The following PRKCA variants were observed in gnomAD, a reference collection of about 807,000 sequenced individuals.
PRKCA encodes protein kinase C alpha.
Under a neutral mutation model 87.0 loss-of-function variants are expected in PRKCA, and 27 were observed. The observed-to-expected ratio is 0.31, with a 90% CI of 0.23 to 0.43. The LOEUF (loss-of-function observed/expected upper bound fraction) is 0.43, where lower values mean the gene tolerates loss of function less well. Ranked by LOEUF, PRKCA falls within the 20% of genes least tolerant of loss-of-function variation. The pLI is 1.00. For synonymous variants in PRKCA, 329 were observed against 311.1 expected, an observed-to-expected ratio of 1.06 and a Z score of -0.61; for missense variants, 518 against 852.3, an observed-to-expected ratio of 0.61 and a Z score of 4.88.
At chr17:66,368,384 AT>A (rs1908882993) in intron 2 of PRKCA, among the ~76,000 whole-genome samples, 1 of 27,010 alleles carries the variant, frequency 3.7e-5, no homozygotes, top group Non-Finnish European at 7.2e-5. Flanking sequence ...ATATATATAT[AT>A]ATTTTTTTTT....
At chr17:66,368,493 T>G (rs887537084) in intron 2 of PRKCA, among the ~76,000 whole-genome samples, 7 of 144,860 alleles carry the variant, frequency 4.8e-5, no homozygotes, top group Non-Finnish European at 1.0e-4. Context: ...CAGGCTCAAG[T>G]GATCCTCCCA....
chr17:66,434,232 G>A (rs1598667631), intron 2 of PRKCA, among the ~76,000 whole-genome samples: 1 of 149,986 alleles, frequency 6.7e-6, no homozygotes. Context: ...ATCCTTTAAT[G>A]GGGGCTGGCA....
At chr17:66,398,908 T>G (rs1567808795) in intron 2 of PRKCA, among the ~76,000 whole-genome samples, 1 of 152,168 alleles carries the variant, frequency 6.6e-6, no homozygotes, top group East Asian at 1.9e-4. Flanking sequence ...AAAATCGAAC[T>G]TCTCGTTTGA....
At chr17:66,730,883 G>C (rs926128598) in intron 8 of PRKCA, among the ~76,000 whole-genome samples, 1 of 152,198 alleles carries the variant, frequency 6.6e-6, no homozygotes. Context: ...CAAGAGGGAC[G>C]ACGGATGATT....
At chr17:66,504,688 C>T (rs935216959) in intron 3 of PRKCA, among the ~76,000 whole-genome samples, 9 of 152,194 alleles carry the variant, frequency 5.9e-5, no homozygotes, top group African/African-American at 9.6e-5. Context: ...AGCCAGCCTG[C>T]ATCTAATGGG....
intron 3 of PRKCA, chr17:66,554,487 G>T: frequency 1.1e-6 from 1 of 906,606 alleles, no homozygotes; most frequent in Non-Finnish European, 1.3e-6. Flanking sequence ...GAACATTCCC[G>T]TGACTACTCA....
At chr17:66,577,929 T>G (rs1024202703) in intron 3 of PRKCA, among the ~76,000 whole-genome samples, 2 of 151,966 alleles carry the variant, frequency 1.3e-5, no homozygotes, top group Admixed American at 6.6e-5. Flanking sequence ...TTCCGACCCC[T>G]GTCACCCTGC....
intron 3 of PRKCA, among the ~76,000 whole-genome samples, chr17:66,608,004 G>T (rs1432995371): frequency 6.6e-6 from 1 of 152,186 alleles, no homozygotes; most frequent in Non-Finnish European, 1.5e-5. Context: ...TTCTGAGTGG[G>T]TGATACGCAT....
chr17:66,761,046 A>G (rs563770227), intron 13 of PRKCA, among the ~76,000 whole-genome samples: 12 of 152,232 alleles, frequency 7.9e-5, no homozygotes, highest in South Asian at 4.2e-4. Flanking sequence ...GTTTTCTCCA[A>G]TTGTACATAG....
At chr17:66,694,747 A>G (rs574571266) in intron 8 of PRKCA, among the ~76,000 whole-genome samples, 4 of 142,838 alleles carry the variant, frequency 2.8e-5, no homozygotes, top group African/African-American at 1.1e-4. Context: ...GTTACATGCT[A>G]CATTCACATT....
chr17:66,628,060 C>A (rs1970907534), intron 3 of PRKCA, among the ~76,000 whole-genome samples: 1 of 152,256 alleles, frequency 6.6e-6, no homozygotes, highest in African/African-American at 2.4e-5. Context: ...CAAGGATTAA[C>A]ATATCACTTT....
intron 2 of PRKCA, among the ~76,000 whole-genome samples, chr17:66,414,204 G>T (rs1384238680): frequency 6.6e-6 from 1 of 152,066 alleles, no homozygotes; most frequent in African/African-American, 2.4e-5. Flanking sequence ...TTGGAGGTGG[G>T]GTTTGGTGAG....
At chr17:66,566,875 C>T (rs2079759865) in intron 3 of PRKCA, among the ~76,000 whole-genome samples, 1 of 152,112 alleles carries the variant, frequency 6.6e-6, no homozygotes, top group Non-Finnish European at 1.5e-5. Flanking sequence ...CCATGAGCCC[C>T]TTGCCAGCCT....
At chr17:66,671,036 C>T (rs1972164890) in intron 5 of PRKCA, among the ~76,000 whole-genome samples, 1 of 150,740 alleles carries the variant, frequency 6.6e-6, no homozygotes, top group African/African-American at 2.4e-5. Flanking sequence ...CTAGCAAAAC[C>T]CCATCTCTAC....
intron 3 of PRKCA, among the ~76,000 whole-genome samples, chr17:66,640,584 C>T (rs16959779): frequency 0.023 from 3,560 of 151,994 alleles, 150 homozygotes; most frequent in African/African-American, 0.081. Context: ...GATCTGGTTT[C>T]GCAGTGTATT....
intron 2 of PRKCA, among the ~76,000 whole-genome samples, chr17:66,447,135 A>G (rs1914072829): frequency 1.3e-5 from 2 of 152,194 alleles, no homozygotes; most frequent in Non-Finnish European, 2.9e-5. Flanking sequence ...TATGTAGAGG[A>G]CCAGCTTTCT....
chr17:66,700,815 G>A (rs1357973316), intron 8 of PRKCA, among the ~76,000 whole-genome samples: 1 of 152,122 alleles, frequency 6.6e-6, no homozygotes, highest in African/African-American at 2.4e-5. Context: ...TAAATGGGAA[G>A]ATATCGCCTG....
intron 2 of PRKCA, among the ~76,000 whole-genome samples, chr17:66,418,011 C>T (rs182072986): frequency 3.9e-5 from 6 of 152,288 alleles, no homozygotes; most frequent in Non-Finnish European, 7.3e-5. Context: ...CATGTTTGAG[C>T]GTGGACCTCT....
intron 13 of PRKCA, among the ~76,000 whole-genome samples, chr17:66,749,222 A>C (rs544605217): frequency 7.0e-4 from 107 of 152,112 alleles, no homozygotes; most frequent in Non-Finnish European, 1.2e-3. Flanking sequence ...CAAAGCCTTC[A>C]CAGGGGCCCC....
Sources: gnomAD v4.1 joint callset for allele counts (sites outside exome capture counted in the v4.1 genomes callset) on GRCh38, gnomAD v4.1.1 for gene constraint, MANE v1.5 for transcripts, NCBI Gene and HGNC (gene_info 2026-07-23, HGNC 2026-07-21) for gene names.